Variants in ABCC6 observed in about 807,000 individuals in gnomAD.
ABCC6 encodes the protein ATP-binding cassette sub-family C member 6.
ABCC6 carries 126 observed loss-of-function variants against 169.5 expected under a neutral mutation model. The ratio of observed to expected loss-of-function variants is 0.74; its 90% CI spans 0.64 to 0.86. ABCC6 has a LOEUF of 0.86. ABCC6 is among the 40% of genes least tolerant of loss of function. ABCC6 has a pLI of 0.00. For missense variants in ABCC6, 1,733 were observed against 1,927.2 expected (o/e 0.90, Z 1.89); for synonymous variants, 752 against 814.7 (o/e 0.92, Z 1.31).
intron 21 of ABCC6, among the ~76,000 whole-genome samples, chr16:16,172,555 G>A (rs2047152039): frequency 6.6e-6 from 1 of 151,968 alleles, no homozygotes; most frequent in Admixed American, 6.6e-5. Flanking sequence ...ATGAGTGGGT[G>A]GGATGGATAG....
chr16:16,184,198 CAAAAAAAAA>C (rs56071235), intron 15 of ABCC6: 20 of 71,928 alleles, frequency 2.8e-4, no homozygotes, highest in South Asian at 1.2e-3. Flanking sequence ...GACTCCGTTT[CAAAAAAAAA>C]AAAAAAAAAA....
rs1596674949 is a variant in ABCC6, at chr16:16,188,856, G to A, written c.1754C>T (p.Pro585Leu). The change falls in exon 13 of 31, where the codon CCC becomes CTC. Residue 585 changes from proline (P) to leucine (L), a missense_variant. Transcript: ENST00000205557. ...CTGGACGAGGGAGTGGATGGAGAAG[G>A]GCAGGAAAGCCTGGGCCTTGTTGAG... ...NILNKAQAFL[P>L]FSIHSLVQAR... 2 of 1,614,042 alleles carry A rather than the reference G, an allele frequency of 1.2e-6. No homozygotes were observed. Among genetic ancestry groups the A allele is most frequent in the South Asian group, 2.2e-5 (2 of 91,066 alleles).
rs939977852 is a variant in ABCC6, at chr16:16,149,572, A to G, written c.*561T>C. The G allele has an allele frequency of 1.3e-5, 3 of 236,542 alleles. No individual in the cohort carries two copies. The highest frequency in any genetic ancestry group is 2.2e-5 in the African/African-American group (1 of 44,804). The allele number at this position is 236,542 out of a possible 1,614,324, so 14.7% of individuals were successfully genotyped here. A position where few individuals can be genotyped will look rare whatever the true frequency, so the allele number is the denominator to read the frequency against. On this transcript the variant is annotated 3_prime_UTR_variant, in exon 31 of 31. Coordinates refer to ENST00000205557, the MANE Select transcript of ABCC6 (RefSeq NM_001171.6). ...CACACACACACACAGGAGTACAGGTAAAACGGGAAATCGAGCAAGATTGTT... is the reference window on the plus strand; with the variant it reads ...CACACACACACACAGGAGTACAGGTGAAACGGGAAATCGAGCAAGATTGTT...
rs555951062 is a variant in ABCC6, at chr16:16,190,552, G to T, written c.1432-185C>A. On this transcript the variant is annotated intron_variant, in intron 11 of 30. Coordinates refer to ENST00000205557, the MANE Select transcript of ABCC6 (RefSeq NM_001171.6). ...ACCATCATCCTGTACCTGGACTTCTGCAGGAGTGCCCCTGGGATAATGTGC... is the reference window on the plus strand; with the variant it reads ...ACCATCATCCTGTACCTGGACTTCTTCAGGAGTGCCCCTGGGATAATGTGC... Among the ~76,000 whole-genome samples, 58 of 152,070 alleles carry T rather than the reference G, an allele frequency of 3.8e-4. 1 individual carries two copies. The South Asian group carries it at 0.012, about 30-fold the overall frequency.
chr16:16,186,095 C>G (rs920272582), intron 14 of ABCC6, among the ~76,000 whole-genome samples: 1 of 152,108 alleles, frequency 6.6e-6, no homozygotes, highest in African/African-American at 2.4e-5. Context: ...GCCACAGGCT[C>G]GGCTTCTTAC....
chr16:16,150,012 G>A lies in ABCC6; in HGVS notation c.*121C>T. On this transcript the variant is annotated 3_prime_UTR_variant, in exon 31 of 31. Transcript: ENST00000205557. ...CTTTCTCTGCCATTTTCCTCCCAGA[G>A]AGCAAACACAGGTCTAGACTCAATA... 6.9e-7 allele frequency: 1 copy of A among 1,455,790 alleles called. No homozygotes were observed. The highest frequency in any genetic ancestry group is 9.4e-7 in the Non-Finnish European group (1 of 1,062,148). The allele number at this position is 1,455,790 out of a possible 1,614,324, so 90.2% of individuals were successfully genotyped here. A position where few individuals can be genotyped will look rare whatever the true frequency, so the allele number is the denominator to read the frequency against.
At chr16:16,169,094 C>CAAAT (rs778840220) in intron 22 of ABCC6, among the ~76,000 whole-genome samples, 9 of 152,058 alleles carry the variant, frequency 5.9e-5, no homozygotes, top group African/African-American at 1.2e-4. Flanking sequence ...ATAAAATAAA[C>CAAAT]AAATAAATAA....
chr16:16,158,923 T>C (rs1311397768), intron 26 of ABCC6, among the ~76,000 whole-genome samples: 2 of 152,196 alleles, frequency 1.3e-5, no homozygotes, highest in African/African-American at 4.8e-5. Context: ...TGCATTGCTA[T>C]GTTGCTGTTT....
chr16:16,194,664 T>C (rs550326692), intron 10 of ABCC6, among the ~76,000 whole-genome samples: 3 of 152,260 alleles, frequency 2.0e-5, no homozygotes, highest in South Asian at 2.1e-4. Flanking sequence ...TCTCAGTCCT[T>C]AGGAACACTA....
Position 16,150,218 on chromosome 16 carries a change from T to TA in ABCC6, c.4426_4427insT (p.Gln1476LeufsTer52). On this transcript the variant is annotated frameshift_variant, in exon 31 of 31. Coordinates refer to ENST00000205557, the MANE Select transcript of ABCC6 (RefSeq NM_001171.6). LOFTEE classifies it high-confidence loss of function. ...GGCCGGGCTGCCGCTCTCTGCCACC[T>TA]GCCCCTTGTCCATGACCAGAACCCT... is the stretch of plus-strand genomic sequence containing the variant. 1 of 1,614,022 alleles carries TA rather than the reference T, an allele frequency of 6.2e-7. No homozygotes were observed. The highest frequency in any genetic ancestry group is 1.1e-5 in the South Asian group (1 of 91,084).
In ABCC6 at chr16:16,178,909, G is replaced by T. The variant is rs66492417; in HGVS notation, c.2304C>A (p.Tyr768Ter). 9 of 1,613,752 alleles carry T rather than the reference G, an allele frequency of 5.6e-6. No individual in the cohort carries two copies. Among genetic ancestry groups the T allele is most frequent in the Non-Finnish European group, 5.9e-6 (7 of 1,180,028 alleles). ...KQRLSLARAVYRKAAVYLLDD... is the reference protein window; with the variant it reads ...KQRLSLARAV ...CCAGCAGGTACACAGCTGCCTTTCTGTATACAGCCCGGGCCAGGCTCAGCC... is the reference window on the plus strand; with the variant it reads ...CCAGCAGGTACACAGCTGCCTTTCTTTATACAGCCCGGGCCAGGCTCAGCC... Residue 768 changes from tyrosine (Y) to a stop codon, truncating the protein, a stop_gained, in exon 18 of 31, where the codon TAC becomes TAA. Coordinates refer to ENST00000205557, the MANE Select transcript of ABCC6 (RefSeq NM_001171.6). LOFTEE classifies it high-confidence loss of function.
At chr16:16,179,799 C>T (rs890277238) in intron 17 of ABCC6, among the ~76,000 whole-genome samples, 6 of 152,182 alleles carry the variant, frequency 3.9e-5, no homozygotes, top group Non-Finnish European at 7.3e-5. Flanking sequence ...CCATGGTGGC[C>T]AGGCTGGTCT....
chr16:16,213,022 C>T (rs886615791), intron 5 of ABCC6, among the ~76,000 whole-genome samples: 1 of 151,744 alleles, frequency 6.6e-6, no homozygotes, highest in Non-Finnish European at 1.5e-5. Flanking sequence ...TTTGTTGCTA[C>T]TCTGGTAGGT....
chr16:16,152,065 G>A (rs111997242), intron 29 of ABCC6, among the ~76,000 whole-genome samples: 5 of 151,816 alleles, frequency 3.3e-5, no homozygotes, highest in South Asian at 2.1e-4. Context: ...GGTGGCGGGC[G>A]CTTGTAGTCC....
intron 19 of ABCC6, 59 bp downstream of exon 19, chr16:16,177,393 C>T: frequency 1.9e-6 from 3 of 1,602,656 alleles, no homozygotes; most frequent in Non-Finnish European, 1.7e-6. Flanking sequence ...CCCTTCGAGC[C>T]TTTTCCCCCA....
intron 7 of ABCC6, among the ~76,000 whole-genome samples, chr16:16,206,117 C>A (rs929430582): frequency 6.6e-6 from 1 of 152,150 alleles, no homozygotes; most frequent in African/African-American, 2.4e-5. Context: ...GCTGTTTAAC[C>A]CAGAGAGTCA....
In ABCC6 at chr16:16,157,762, C is replaced by T. The variant is rs964712550; in HGVS notation, c.3783G>A (p.Gln1261=). ...PTCAAQPPWP[Q]GGQIEFRDFG... ...AGTCCCGGAACTCGATCTGCCCGCC[C>T]TGAGGCCAGGGGGGCTGAGCTGCAC... Residue 1261 remains glutamine (Q), a synonymous_variant, in exon 27 of 31, where the codon CAG becomes CAA. Coordinates refer to ENST00000205557, the MANE Select transcript of ABCC6 (RefSeq NM_001171.6). 15 of 1,613,702 alleles carry T rather than the reference C, an allele frequency of 9.3e-6. No homozygotes were observed. Among genetic ancestry groups the T allele is most frequent in the Non-Finnish European group, 1.3e-5 (15 of 1,180,016 alleles).
chr16:16,177,659 G>T (rs753626105), intron 18 of ABCC6, 33 bp from the exon 19 acceptor site: 1 of 1,612,650 alleles, frequency 6.2e-7, no homozygotes, highest in Non-Finnish European at 8.5e-7. Flanking sequence ...TTACACACAT[G>T]TGGCCGGGTG....
At chr16:16,154,239 G>A (rs2046470484) in intron 29 of ABCC6, among the ~76,000 whole-genome samples, 1 of 151,848 alleles carries the variant, frequency 6.6e-6, no homozygotes, top group African/African-American at 2.4e-5. Context: ...GAGCCACTGT[G>A]CCCAGTCCAC....
Sources: gnomAD v4.1 joint callset for allele counts (sites outside exome capture counted in the v4.1 genomes callset) on GRCh38, gnomAD v4.1.1 for gene constraint, MANE v1.5 for transcripts, NCBI Gene and HGNC (gene_info 2026-07-23, HGNC 2026-07-21) for gene names.